The following RGS8 variants were observed in gnomAD, a reference collection of about 807,000 sequenced individuals.
The protein encoded by RGS8 is regulator of G protein signaling 8.
RGS8 carries 8 observed loss-of-function variants against 21.7 expected under a neutral mutation model. That is an observed-to-expected ratio of 0.37 (90% CI 0.22 to 0.66). The LOEUF (loss-of-function observed/expected upper bound fraction) is 0.66, where lower values mean the gene tolerates loss of function less well. RGS8 is among the 30% of genes least tolerant of loss of function. The pLI is 0.59. For missense variants in RGS8, 157 were observed against 217.9 expected (o/e 0.72, Z 1.76); for synonymous variants, 80 against 83.6 (o/e 0.96, Z 0.24).
At chr1:182,750,657 G>A in the RGS8 span, among the ~76,000 whole-genome samples, 3 of 152,124 alleles carry the variant, frequency 2.0e-5, no homozygotes, top group Non-Finnish European at 2.9e-5. Flanking sequence ...ACCAATAAAT[G>A]TAGACTTTTA....
chr1:182,696,160 T>C, the RGS8 span, among the ~76,000 whole-genome samples: 1 of 152,188 alleles, frequency 6.6e-6, no homozygotes, highest in Admixed American at 6.5e-5. Context: ...CCTGCCTCTA[T>C]CCCTCTGTAA....
chr1:182,749,075 T>G, the RGS8 span, among the ~76,000 whole-genome samples: 25 of 152,232 alleles, frequency 1.6e-4, no homozygotes, highest in Non-Finnish European at 1.9e-4. Flanking sequence ...TCTTTTGCTG[T>G]GCAGAAGCTT....
At chr1:182,731,005 C>T in the RGS8 span, among the ~76,000 whole-genome samples, 1 of 152,200 alleles carries the variant, frequency 6.6e-6, no homozygotes, top group Non-Finnish European at 1.5e-5. Context: ...CTCCCTGCTG[C>T]AGAGAGATCC....
Position 182,663,015 on chromosome 1 carries a change from A to C in RGS8, c.193+2954T>G, listed in dbSNP as rs148016218. Among the ~76,000 whole-genome samples the C allele has an allele frequency of 2.0e-3, 302 of 152,272 alleles. 3 individuals carry two copies. The highest frequency in any genetic ancestry group is 7.0e-3 in the African/African-American group (292 of 41,552). ...GAAATCTTAAGGGGGACAGCTGCCTACATGTAGAGAATTACCAGGGAGTGG... is the reference window on the plus strand; with the variant it reads ...GAAATCTTAAGGGGGACAGCTGCCTCCATGTAGAGAATTACCAGGGAGTGG... On this transcript the variant is annotated intron_variant, in intron 5 of 6. Coordinates refer to ENST00000483095, the Ensembl canonical transcript of RGS8.
chr1:182,672,419 A>C (rs569061508), upstream of RGS8, among the ~76,000 whole-genome samples: 1 of 151,964 alleles, frequency 6.6e-6, no homozygotes, highest in East Asian at 1.9e-4. Context: ...CTTTCTCTCA[A>C]TTTCTATTGT....
chr1:182,750,464 C>T, the RGS8 span, among the ~76,000 whole-genome samples: 4 of 152,042 alleles, frequency 2.6e-5, no homozygotes, highest in African/African-American at 9.7e-5. Context: ...CAAAAAATAC[C>T]CTATGTCTTA....
chr1:182,694,548 C>T, the RGS8 span, among the ~76,000 whole-genome samples: 9 of 152,084 alleles, frequency 5.9e-5, no homozygotes, highest in African/African-American at 9.7e-5. Context: ...GGCTTACGCC[C>T]GTAATCCCAG....
At chr1:182,656,889 C>A (rs1663306086) in intron 5 of RGS8, among the ~76,000 whole-genome samples, 1 of 152,338 alleles carries the variant, frequency 6.6e-6, no homozygotes, top group South Asian at 2.1e-4. Context: ...CTCTGCTCAC[C>A]CACTTTGTAT....
intron 5 of RGS8, among the ~76,000 whole-genome samples, chr1:182,660,079 A>G (rs1376858565): frequency 6.6e-6 from 1 of 152,230 alleles, no homozygotes; most frequent in African/African-American, 2.4e-5. Flanking sequence ...ATGTTTTCTC[A>G]AAGAATTTAA....
intron 1 of RGS8, among the ~76,000 whole-genome samples, chr1:182,679,782 G>T (rs1284566980): frequency 6.6e-6 from 1 of 151,510 alleles, no homozygotes; most frequent in Non-Finnish European, 1.5e-5. Context: ...TCTTTTCTTG[G>T]CCCATTTTAT....
At chr1:182,729,258 C>T in the RGS8 span, among the ~76,000 whole-genome samples, 1 of 152,188 alleles carries the variant, frequency 6.6e-6, no homozygotes, top group Non-Finnish European at 1.5e-5. Context: ...CAGAACACCT[C>T]GGGATGAGTG....
At chr1:182,744,397 G>A in the RGS8 span, among the ~76,000 whole-genome samples, 10 of 152,180 alleles carry the variant, frequency 6.6e-5, no homozygotes, top group African/African-American at 2.2e-4. Context: ...CAAAGTGTTG[G>A]GATTACAGGT....
At chr1:182,643,316 T>TC (rs1662551113), downstream of RGS8, 9 of 46,902 alleles carry the variant, frequency 1.9e-4, no homozygotes, top group African/African-American at 4.8e-4. Flanking sequence ...GTCTCCCCCC[T>TC]CCCCCAGCCC....
chr1:182,721,036 TATAC>T, the RGS8 span, among the ~76,000 whole-genome samples: 16 of 86,994 alleles, frequency 1.8e-4, no homozygotes, highest in African/African-American at 5.9e-4. Flanking sequence ...TGTGTGTATA[TATAC>T]ATATACATAC....
the RGS8 span, among the ~76,000 whole-genome samples, chr1:182,709,654 G>A: frequency 6.6e-6 from 1 of 152,160 alleles, no homozygotes; most frequent in Non-Finnish European, 1.5e-5. Flanking sequence ...TGCCTAGGTG[G>A]CAAGTAAAGT....
the RGS8 span, among the ~76,000 whole-genome samples, chr1:182,739,766 A>C: frequency 6.6e-6 from 1 of 152,058 alleles, no homozygotes; most frequent in Non-Finnish European, 1.5e-5. Context: ...GCCCACCCAG[A>C]AGCCCTTGCG....
the RGS8 span, among the ~76,000 whole-genome samples, chr1:182,729,265 A>G: frequency 6.6e-6 from 1 of 152,212 alleles, no homozygotes; most frequent in African/African-American, 2.4e-5. Flanking sequence ...CCTCGGGATG[A>G]GTGGGGATGG....
chr1:182,732,411 T>A, the RGS8 span, among the ~76,000 whole-genome samples: 1 of 152,092 alleles, frequency 6.6e-6, no homozygotes, highest in Non-Finnish European at 1.5e-5. Flanking sequence ...AAATAAATAT[T>A]TGTTAAATGA....
At chr1:182,652,147 A>G (rs1208114402) in intron 5 of RGS8, among the ~76,000 whole-genome samples, 2 of 152,242 alleles carry the variant, frequency 1.3e-5, no homozygotes, top group Non-Finnish European at 2.9e-5. Context: ...TTGGTTTTAA[A>G]CCAGAAGAGA....
Sources: gnomAD v4.1 joint callset for allele counts (sites outside exome capture counted in the v4.1 genomes callset) on GRCh38, gnomAD v4.1.1 for gene constraint, MANE v1.5 for transcripts, NCBI Gene and HGNC (gene_info 2026-07-23, HGNC 2026-07-21) for gene names.